Variants in SATB2 observed in about 807,000 individuals in gnomAD.
SATB2 encodes DNA-binding protein SATB2.
A neutral mutation model predicts 73.4 loss-of-function variants in SATB2; 1 was observed. The observed-to-expected ratio is 0.01, with a 90% CI of 0.00 to 0.06. SATB2 has a LOEUF of 0.06. SATB2 is among the 10% of genes least tolerant of loss of function. The pLI is 1.00. For synonymous variants in SATB2, 397 were observed against 367.0 expected, an observed-to-expected ratio of 1.08 and a Z score of -0.93; for missense variants, 459 against 945.8, an observed-to-expected ratio of 0.49 and a Z score of 6.75.
chr2:199,312,545 T>C (rs1687623869), intron 9 of SATB2, among the ~76,000 whole-genome samples: 1 of 152,166 alleles, frequency 6.6e-6, no homozygotes, highest in Non-Finnish European at 1.5e-5. Context: ...GGGTGACCTT[T>C]GGGCAAATAG....
At chr2:199,331,956 G>A (rs1487486883) in intron 7 of SATB2, among the ~76,000 whole-genome samples, 1 of 152,018 alleles carries the variant, frequency 6.6e-6, no homozygotes, top group African/African-American at 2.4e-5. Flanking sequence ...TTATCAACCA[G>A]CCAAGCTGGA....
At position 199,272,502 on chromosome 2, in the gene SATB2, G is replaced by C; in HGVS notation, c.1911C>G (p.Gly637=). The C allele has an allele frequency of 6.2e-7, 1 of 1,614,142 alleles. No individual in the cohort carries two copies. Among genetic ancestry groups the C allele is most frequent in the Non-Finnish European group, 8.5e-7 (1 of 1,180,020 alleles). Residue 637 remains glycine (G), a synonymous_variant, in exon 11 of 11, where the codon GGC becomes GGG. Transcript: ENST00000417098. The surrounding 1 kb of genome is among the most constrained non-coding windows in gnomAD (Gnocchi z 6.7). ...GGATGGCTTCCTGGTCTGGGTACAG[G>C]CCTACATCATGAATAAAGCTTTGGA... ...GILQSFIHDV[G]LYPDQEAIHT...
rs1185687010 is a variant in SATB2, at chr2:199,381,810, C to T, written c.357G>A (p.Lys119=). The change falls in exon 4 of 11, where the codon AAG becomes AAA. Residue 119 remains lysine, a synonymous_variant. Coordinates refer to ENST00000417098, the MANE Select transcript of SATB2 (RefSeq NM_001172509.2). The stretch of plus-strand genomic sequence containing the variant: ...GGGGGAGAGGGTTCCACCTTCCCAG[C>T]TTGATTATTCCTGCACAGGGAAGAA... ...SSAAQAQGII[K]LGRWNPLPLS... is the part of the protein sequence containing the mutation. The T allele has an allele frequency of 1.2e-6, 2 of 1,614,064 alleles. No homozygotes were observed. Among genetic ancestry groups the T allele is most frequent in the Admixed American group, 3.3e-5 (2 of 60,010 alleles).
At chr2:199,430,432 A>C (rs1174190675) in intron 3 of SATB2, among the ~76,000 whole-genome samples, 1 of 152,212 alleles carries the variant, frequency 6.6e-6, no homozygotes, top group East Asian at 1.9e-4. Context: ...CTACATATGC[A>C]AAACAGCAAG....
chr2:199,307,173 T>A (rs940037071), intron 10 of SATB2, among the ~76,000 whole-genome samples: 7 of 152,144 alleles, frequency 4.6e-5, no homozygotes. Context: ...ATTTACATGA[T>A]CTTTTGTCTG....
intron 6 of SATB2, among the ~76,000 whole-genome samples, chr2:199,356,376 C>A (rs1000373064): frequency 6.6e-6 from 1 of 151,982 alleles, no homozygotes; most frequent in Non-Finnish European, 1.5e-5. Flanking sequence ...AAAAATGTTG[C>A]CAATCAAACC....
chr2:199,436,432 AAC>A (rs1397409875), intron 2 of SATB2, among the ~76,000 whole-genome samples: 1 of 149,154 alleles, frequency 6.7e-6, no homozygotes, highest in Non-Finnish European at 1.5e-5. Flanking sequence ...TTTAAAAAAA[AAC>A]AAAACAAAAC....
chr2:199,436,294 T>C (rs1231528760), intron 2 of SATB2, among the ~76,000 whole-genome samples: 3 of 152,214 alleles, frequency 2.0e-5, no homozygotes, highest in Non-Finnish European at 4.4e-5. Flanking sequence ...ACTTACGTTT[T>C]ATAACCGTCA....
At chr2:199,458,657 G>C (rs1289987571), upstream of SATB2, 1 of 440,932 alleles carries the variant, frequency 2.3e-6, no homozygotes, top group Non-Finnish European at 4.5e-6. Context: ...GACGCAGACC[G>C]ACGCGCAAGA....
intron 6 of SATB2, among the ~76,000 whole-genome samples, chr2:199,355,837 A>G (rs546782799): frequency 6.6e-6 from 1 of 152,296 alleles, no homozygotes; most frequent in Admixed American, 6.5e-5. Context: ...CATTACAAGA[A>G]AAATAGTTGT....
At chr2:199,332,713 T>G (rs1195114915) in intron 7 of SATB2, among the ~76,000 whole-genome samples, 1 of 152,172 alleles carries the variant, frequency 6.6e-6, no homozygotes, top group Non-Finnish European at 1.5e-5. Flanking sequence ...GCTTTTGATT[T>G]CCATACTTCC....
At chr2:199,281,620 C>G (rs1219342489) in intron 10 of SATB2, among the ~76,000 whole-genome samples, 1 of 151,984 alleles carries the variant, frequency 6.6e-6, no homozygotes, top group Non-Finnish European at 1.5e-5. Context: ...TATAAAATAT[C>G]ATGTAATTGA....
intron 9 of SATB2, among the ~76,000 whole-genome samples, chr2:199,313,920 C>G (rs1259140364): frequency 6.6e-6 from 1 of 152,132 alleles, no homozygotes; most frequent in Non-Finnish European, 1.5e-5. Context: ...CCTTGTGCTC[C>G]AGCCACTGTG....
At chr2:199,318,492 G>A (rs1359637161) in intron 9 of SATB2, among the ~76,000 whole-genome samples, 1 of 152,030 alleles carries the variant, frequency 6.6e-6, no homozygotes, top group African/African-American at 2.4e-5. Flanking sequence ...TCATAATTAT[G>A]TGTTACACAG....
chr2:199,363,220 A>G (rs1332194161), intron 6 of SATB2, among the ~76,000 whole-genome samples: 3 of 152,212 alleles, frequency 2.0e-5, no homozygotes, highest in Admixed American at 2.0e-4. Context: ...TGATCTATGC[A>G]TACTATCAGT....
At chr2:199,326,055 T>TG (rs1688020485) in intron 8 of SATB2, 3 of 152,278 alleles carry the variant, frequency 2.0e-5, no homozygotes, top group Non-Finnish European at 4.4e-5. Flanking sequence ...GTCAAGCTGC[T>TG]TGTGTGCACT....
rs1056693668 is a variant in SATB2 at position 199,374,682 on chromosome 2, G to A, written c.597+5682C>T. Among the ~76,000 whole-genome samples, 15 of 152,296 alleles carry A rather than the reference G, an allele frequency of 9.8e-5. No individual in the cohort carries two copies. The East Asian group carries it at 2.7e-3, about 27-fold the overall frequency. On this transcript the variant is annotated intron_variant, in intron 5 of 10. Coordinates refer to ENST00000417098, the MANE Select transcript of SATB2 (RefSeq NM_001172509.2). ...ATTGTTCTTTTCATTACAATTTTCA[G>A]GCTAGGTGCAATGGCTTATGCCTAT...
At chr2:199,434,443 T>G (rs939762409) in intron 2 of SATB2, among the ~76,000 whole-genome samples, 1 of 151,634 alleles carries the variant, frequency 6.6e-6, no homozygotes, top group Non-Finnish European at 1.5e-5. Context: ...TTTTTTAAAC[T>G]TTTTTTTTAT....
rs1692099884 is a variant in SATB2, at chr2:199,269,786, A to G, written c.*2425T>C. ...TCCAAATAGATATTATATGACAGAT[A>G]TTGAATAAATAGACATATATGCATT... On this transcript the variant is annotated 3_prime_UTR_variant, in exon 11 of 11. Transcript: ENST00000417098. 2 of 152,660 alleles carry G rather than the reference A, an allele frequency of 1.3e-5. No individual in the cohort carries two copies. Among genetic ancestry groups the G allele is most frequent in the Admixed American group, 1.3e-4 (2 of 15,250 alleles). 9.5% of individuals were successfully genotyped at this position (152,660 alleles called of 1,614,324 possible).
Sources: gnomAD v4.1 joint callset for allele counts (sites outside exome capture counted in the v4.1 genomes callset) on GRCh38, gnomAD v4.1.1 for gene constraint, Gnocchi (gnomAD v3.1) non-coding constraint, MANE v1.5 for transcripts, NCBI Gene and HGNC (gene_info 2026-07-23, HGNC 2026-07-21) for gene names.